SERGEF: variants seen among roughly 807,000 people sequenced by gnomAD.
The protein encoded by SERGEF is secretion-regulating guanine nucleotide exchange factor.
A neutral mutation model predicts 50.0 loss-of-function variants in SERGEF; 51 were observed. The observed-to-expected ratio is 1.02, with a 90% CI of 0.81 to 1.29. The LOEUF (loss-of-function observed/expected upper bound fraction) is 1.29, where lower values mean the gene tolerates loss of function less well. Among genes scored for constraint, SERGEF ranks in the 50% most tolerant of loss-of-function variants. The probability of loss-of-function intolerance (pLI) is 0.00; values close to 1 mark genes in which losing one functional copy is unlikely to be tolerated. For synonymous variants in SERGEF, 205 were observed against 212.4 expected, an observed-to-expected ratio of 0.97 and a Z score of 0.30; for missense variants, 521 against 557.0, an observed-to-expected ratio of 0.94 and a Z score of 0.65.
At chr11:17,963,297 T>C (rs1439612011) in intron 8 of SERGEF, among the ~76,000 whole-genome samples, 2 of 122,198 alleles carry the variant, frequency 1.6e-5, no homozygotes, top group Non-Finnish European at 3.2e-5. Flanking sequence ...CACAGAGAAG[T>C]GCCATGGCTG....
intron 9 of SERGEF, among the ~76,000 whole-genome samples, chr11:17,933,672 T>G (rs1852395502): frequency 6.6e-6 from 1 of 151,178 alleles, no homozygotes; most frequent in South Asian, 2.1e-4. Flanking sequence ...AAATAAACCC[T>G]CTATTGAAGA....
chr11:17,819,328 C>T (rs1590133440), intron 10 of SERGEF, among the ~76,000 whole-genome samples: 1 of 152,220 alleles, frequency 6.6e-6, no homozygotes, highest in Admixed American at 6.5e-5. Flanking sequence ...TCCAAGGCTG[C>T]AGAACCTCCA....
chr11:17,898,825 TC>T (rs1420528176), intron 9 of SERGEF, among the ~76,000 whole-genome samples: 1 of 152,170 alleles, frequency 6.6e-6, no homozygotes, highest in Non-Finnish European at 1.5e-5. Flanking sequence ...TGGTTCTGTG[TC>T]CCCACCAAAT....
chr11:17,916,548 T>C (rs1443556646), intron 9 of SERGEF, among the ~76,000 whole-genome samples: 1 of 152,230 alleles, frequency 6.6e-6, no homozygotes, highest in East Asian at 1.9e-4. Context: ...CACCAGGTGA[T>C]TCTTATGAAT....
chr11:17,932,988 A>G (rs1348364395), intron 9 of SERGEF, among the ~76,000 whole-genome samples: 1 of 152,206 alleles, frequency 6.6e-6, no homozygotes, highest in African/African-American at 2.4e-5. Flanking sequence ...GTTTTAAAAT[A>G]ATACATTTGA....
chr11:18,007,765 T>C (rs1215605817), intron 2 of SERGEF, among the ~76,000 whole-genome samples, 176 bp downstream of exon 2: 2 of 152,242 alleles, frequency 1.3e-5, no homozygotes, highest in Non-Finnish European at 2.9e-5. Context: ...GAAGTCCTTC[T>C]AGCCCTGAAA....
chr11:17,886,062 C>A (rs1388144752), intron 9 of SERGEF, among the ~76,000 whole-genome samples: 1 of 151,986 alleles, frequency 6.6e-6, no homozygotes, highest in Non-Finnish European at 1.5e-5. Flanking sequence ...AGTCCTGATG[C>A]CCCCCGCCCC....
intron 9 of SERGEF, among the ~76,000 whole-genome samples, chr11:17,947,862 T>C (rs1412566021): frequency 6.6e-6 from 1 of 152,144 alleles, no homozygotes; most frequent in Non-Finnish European, 1.5e-5. Context: ...GTGCTTAGCA[T>C]AATACATGGC....
rs533227804 is a variant in SERGEF at position 17,797,684 on chromosome 11, A to C, written c.1049-9271T>G. ...GCTGCTATATCCCAGTACCTGAAAC[A>C]GTGCTTGGCATAGGTTAGCGCTCAA... is the stretch of plus-strand genomic sequence containing the variant. On this transcript the variant is annotated intron_variant, in intron 10 of 10. Coordinates refer to ENST00000265965, the MANE Select transcript of SERGEF (RefSeq NM_012139.4). 2.4e-4 allele frequency among the ~76,000 whole-genome samples: 36 copies of C among 152,316 alleles called. No individual in the cohort carries two copies. The Middle Eastern group carries it at 0.01, about 43-fold the overall frequency.
At chr11:17,962,154 T>C (rs1480422304) in intron 8 of SERGEF, among the ~76,000 whole-genome samples, 2 of 152,182 alleles carry the variant, frequency 1.3e-5, no homozygotes, top group East Asian at 3.8e-4. Context: ...AAAACTTGGC[T>C]GATGAAATAG....
chr11:17,824,314 A>G (rs929808994), intron 10 of SERGEF, among the ~76,000 whole-genome samples: 2 of 140,990 alleles, frequency 1.4e-5, no homozygotes, highest in South Asian at 2.3e-4. Flanking sequence ...AAAAAAAAAA[A>G]GGCCTCTCTT....
intron 9 of SERGEF, among the ~76,000 whole-genome samples, chr11:17,883,894 T>C (rs1216951803): frequency 1.3e-5 from 2 of 150,380 alleles, no homozygotes; most frequent in Non-Finnish European, 3.0e-5. Context: ...TGGATACCCA[T>C]GGCGACAGAA....
rs533218280 is a variant in SERGEF, at chr11:17,902,701, T to C, written c.1012-24457A>G. 7.9e-5 allele frequency among the ~76,000 whole-genome samples: 12 copies of C among 152,334 alleles called. No homozygotes were observed. The East Asian group carries it at 2.3e-3, about 29-fold the overall frequency. On this transcript the variant is annotated intron_variant, in intron 9 of 10. Transcript: ENST00000265965. ...TTAGTGCCTGGTGGCCCTCAAGGAC[T>C]GAGAAGCCACTTCAGAGACAAACAA...
intron 10 of SERGEF, among the ~76,000 whole-genome samples, chr11:17,832,957 C>T (rs2133855481): frequency 6.6e-6 from 1 of 152,242 alleles, no homozygotes; most frequent in African/African-American, 2.4e-5. Context: ...TTGGAAAACA[C>T]CTGACATTTT....
intron 9 of SERGEF, among the ~76,000 whole-genome samples, chr11:17,914,419 A>ATGTAT (rs140810823): frequency 1.3e-5 from 2 of 151,110 alleles, no homozygotes; most frequent in Admixed American, 1.3e-4. Context: ...TATTTTTTTA[A>ATGTAT]TTTATTTTAT....
intron 9 of SERGEF, among the ~76,000 whole-genome samples, chr11:17,907,409 T>C (rs1333645414): frequency 6.6e-6 from 1 of 152,224 alleles, no homozygotes; most frequent in African/African-American, 2.4e-5. Flanking sequence ...AGCACTACCA[T>C]GGAGGGGTCA....
intron 3 of SERGEF, among the ~76,000 whole-genome samples, chr11:18,006,040 ACT>A (rs989966479): frequency 1.3e-5 from 2 of 152,164 alleles, no homozygotes; most frequent in South Asian, 2.1e-4. Context: ...TCTATTCCCT[ACT>A]CTCTGACAAA....
chr11:17,986,461 A>G (rs1180588517), intron 8 of SERGEF, among the ~76,000 whole-genome samples: 2 of 152,260 alleles, frequency 1.3e-5, no homozygotes, highest in East Asian at 1.9e-4. Context: ...TTACCAAAAA[A>G]TCATGCTCTT....
chr11:17,929,402 GAAGGA>G (rs1852311839), intron 9 of SERGEF, among the ~76,000 whole-genome samples: 1 of 152,154 alleles, frequency 6.6e-6, no homozygotes, highest in Admixed American at 6.5e-5. Flanking sequence ...CCATGGCTGT[GAAGGA>G]AAGGCAGGAC....
Sources: allele counts gnomAD v4.1 joint callset (sites outside exome capture counted in the v4.1 genomes callset), GRCh38; gene constraint gnomAD v4.1.1; transcripts MANE v1.5; gene names NCBI Gene and HGNC (gene_info 2026-07-23, HGNC 2026-07-21).